FMNL2: variants seen among roughly 807,000 people sequenced by gnomAD.
The protein encoded by FMNL2 is formin like 2.
A neutral mutation model predicts 130.2 loss-of-function variants in FMNL2; 51 were observed. That is an observed-to-expected ratio of 0.39 (90% CI 0.31 to 0.49). FMNL2 has a LOEUF of 0.49. Ranked by LOEUF, FMNL2 falls within the 20% of genes least tolerant of loss-of-function variation. The pLI, the probability that FMNL2 is intolerant of heterozygous loss-of-function variation, is 0.85. For synonymous variants in FMNL2, 465 were observed against 467.1 expected (o/e 1.00, Z 0.06); for missense variants, 977 against 1,316.2 (o/e 0.74, Z 3.99).
Position 152,559,794 on chromosome 2 carries a change from G to A in FMNL2, c.443+971G>A, listed in dbSNP as rs73968080. Among the ~76,000 whole-genome samples the A allele has an allele frequency of 2.2e-3, 329 of 152,178 alleles. 1 individual carries two copies. The highest frequency in any genetic ancestry group is 7.6e-3 in the African/African-American group (316 of 41,508). On this transcript the variant is annotated intron_variant, in intron 5 of 25. Transcript: ENST00000288670. ...TCTCAGTGATTGCTTTCTCTTTTTAGCAGTTAAAATTTTATTAGATTACCC... is the reference window on the plus strand; with the variant it reads ...TCTCAGTGATTGCTTTCTCTTTTTAACAGTTAAAATTTTATTAGATTACCC...
rs1350419962 is a variant in FMNL2 at position 152,335,630 on chromosome 2, G to T, written c.27G>T (p.Ser9=). 8 of 1,592,220 alleles carry T rather than the reference G, an allele frequency of 5.0e-6. No homozygotes were observed. The Middle Eastern group carries it at 6.7e-4, about 133-fold the overall frequency. Residue 9 remains serine (S), a synonymous_variant, in exon 1 of 26, where the codon TCG becomes TCT. Transcript: ENST00000288670. ...TGGGCAACGCAGGGAGCATGGATTC[G>T]CAGCAGACCGATTTCAGGGCGCACA... MGNAGSMD[S]QQTDFRAHNV...
chr2:152,359,561 T>G (rs1318305356), intron 1 of FMNL2, among the ~76,000 whole-genome samples: 1 of 150,710 alleles, frequency 6.6e-6, no homozygotes, highest in African/African-American at 2.5e-5. Context: ...AAGTGTGGAG[T>G]TGATTTTTTT....
chr2:152,365,656 C>T (rs1213520935), intron 1 of FMNL2, among the ~76,000 whole-genome samples: 1 of 151,928 alleles, frequency 6.6e-6, no homozygotes, highest in African/African-American at 2.4e-5. Flanking sequence ...GCCTATAATC[C>T]CAGCTATTAG....
At chr2:152,538,525 C>CT (rs1255806762) in intron 2 of FMNL2, among the ~76,000 whole-genome samples, 1 of 152,188 alleles carries the variant, frequency 6.6e-6, no homozygotes, top group Non-Finnish European at 1.5e-5. Flanking sequence ...GGTGATCCAC[C>CT]TGCCTCAGCC....
intron 1 of FMNL2, among the ~76,000 whole-genome samples, chr2:152,419,477 A>G (rs1686792872): frequency 1.3e-5 from 2 of 152,186 alleles, no homozygotes; most frequent in African/African-American, 4.8e-5. Context: ...ATGTTCTTAC[A>G]TATGTGGGAT....
intron 25 of FMNL2, chr2:152,643,966 A>G: frequency 3.5e-6 from 3 of 868,384 alleles, no homozygotes; most frequent in Non-Finnish European, 4.1e-6. Context: ...GCAGTGGCAC[A>G]CGCCTGTAAT....
At chr2:152,547,968 T>C (rs184432651) in intron 3 of FMNL2, among the ~76,000 whole-genome samples, 2 of 152,312 alleles carry the variant, frequency 1.3e-5, no homozygotes, top group Admixed American at 6.5e-5. Flanking sequence ...TGATGTGCAA[T>C]GTAGCCCATT....
At chr2:152,489,165 A>G (rs1691004248) in intron 1 of FMNL2, among the ~76,000 whole-genome samples, 1 of 150,924 alleles carries the variant, frequency 6.6e-6, no homozygotes, top group Non-Finnish European at 1.5e-5. Context: ...AGTGCTGTCA[A>G]CAAAAGAAGT....
At chr2:152,489,986 A>C (rs1558907541) in intron 1 of FMNL2, among the ~76,000 whole-genome samples, 1 of 152,216 alleles carries the variant, frequency 6.6e-6, no homozygotes, top group Non-Finnish European at 1.5e-5. Flanking sequence ...AACCACAAAG[A>C]ATAAAATGAG....
At chr2:152,515,004 G>A (rs894482257) in intron 1 of FMNL2, among the ~76,000 whole-genome samples, 7 of 152,146 alleles carry the variant, frequency 4.6e-5, no homozygotes, top group African/African-American at 1.7e-4. Flanking sequence ...TGTCACAAGT[G>A]AGGAAGCTGA....
At chr2:152,543,261 C>G (rs1187091441) in intron 3 of FMNL2, among the ~76,000 whole-genome samples, 2 of 152,156 alleles carry the variant, frequency 1.3e-5, no homozygotes, top group Non-Finnish European at 2.9e-5. Context: ...AGCAGCTCCC[C>G]CCTACTCCCC....
chr2:152,365,949 A>G (rs149548747), intron 1 of FMNL2, among the ~76,000 whole-genome samples: 128 of 152,326 alleles, frequency 8.4e-4, no homozygotes, highest in African/African-American at 3.0e-3. Context: ...GATTCTTATG[A>G]AAACCATAGC....
chr2:152,468,184 C>T (rs968195974), intron 1 of FMNL2, among the ~76,000 whole-genome samples: 3 of 152,190 alleles, frequency 2.0e-5, no homozygotes, highest in Admixed American at 6.5e-5. Context: ...TTTATTACAG[C>T]CCTTGAGGCC....
chr2:152,557,248 C>T (rs1346134068), intron 4 of FMNL2, among the ~76,000 whole-genome samples: 1 of 152,088 alleles, frequency 6.6e-6, no homozygotes, highest in Non-Finnish European at 1.5e-5. Context: ...CTTCAGCCTC[C>T]ACCAGTAGCC....
chr2:152,497,500 T>C (rs758414080), intron 1 of FMNL2, among the ~76,000 whole-genome samples: 11 of 152,200 alleles, frequency 7.2e-5, no homozygotes, highest in African/African-American at 2.7e-4. Flanking sequence ...CTAAGACTTA[T>C]AAATACATGA....
chr2:152,571,952 GC>G lies in FMNL2; in HGVS notation c.597-3183del, dbSNP rs772581155. On this transcript the variant is annotated intron_variant, in intron 6 of 25. Coordinates refer to ENST00000288670, the MANE Select transcript of FMNL2 (RefSeq NM_052905.4). The stretch of plus-strand genomic sequence containing the variant: ...GACATTTATTTAGTAGAGTTTTGGG[GC>G]ACTAATCAATTAGCCTCATCTTTTT... Among the ~76,000 whole-genome samples the G allele has an allele frequency of 1.5e-4, 22 of 151,706 alleles. No homozygotes were observed. In the East Asian group the frequency reaches 1.7e-3, roughly 12 times the overall value.
At chr2:152,523,574 T>C (rs557569550) in intron 2 of FMNL2, among the ~76,000 whole-genome samples, 2 of 152,352 alleles carry the variant, frequency 1.3e-5, no homozygotes, top group Middle Eastern at 3.4e-3. Context: ...TATTCTTGCA[T>C]TGATAACTAA....
At chr2:152,637,782 G>A in intron 23 of FMNL2, 108 bp downstream of exon 23, 1 of 935,372 alleles carries the variant, frequency 1.1e-6, no homozygotes, top group Non-Finnish European at 1.7e-6. Context: ...GTGGACAGCA[G>A]ATCTGGGTGG....
At chr2:152,370,960 G>A (rs1276305813) in intron 1 of FMNL2, among the ~76,000 whole-genome samples, 2 of 152,146 alleles carry the variant, frequency 1.3e-5, no homozygotes, top group Admixed American at 6.5e-5. Context: ...GAGGTGTCTC[G>A]CTGATGTAGT....
Sources: allele counts gnomAD v4.1 joint callset (sites outside exome capture counted in the v4.1 genomes callset), GRCh38; gene constraint gnomAD v4.1.1; transcripts MANE v1.5; gene names NCBI Gene and HGNC (gene_info 2026-07-23, HGNC 2026-07-21).